Variants in TNKS1BP1 observed in about 807,000 individuals in gnomAD.
TNKS1BP1 encodes the protein CCR4-NOT transcription complex subunit 12, also known as 182 kDa tankyrase-1-binding protein.
In TNKS1BP1, 48 loss-of-function variants were observed where a neutral mutation model predicts 141.1. The observed-to-expected ratio is 0.34, with a 90% CI of 0.27 to 0.43. TNKS1BP1 has a LOEUF of 0.43. Ranked by LOEUF, TNKS1BP1 falls within the 20% of genes least tolerant of loss-of-function variation. The probability of loss-of-function intolerance (pLI) is 1.00; values close to 1 mark genes in which losing one functional copy is unlikely to be tolerated. For synonymous variants in TNKS1BP1, 875 were observed against 898.2 expected (o/e 0.97, Z 0.46); for missense variants, 2,149 against 2,226.0 (o/e 0.97, Z 0.70).
Position 57,313,814 on chromosome 11 carries a change from C to G in TNKS1BP1, c.874G>C (p.Ala292Pro). The part of the protein sequence containing the change: ...NGGPASPGLP[A>P]EASGSGPGSP... ...CCAGGGCCTGAGCCTGAGGCTTCTGCGGGGAGGCCTGGGCTGGCAGGGCCT... is the reference window on the plus strand; with the variant it reads ...CCAGGGCCTGAGCCTGAGGCTTCTGGGGGGAGGCCTGGGCTGGCAGGGCCT... The change falls in exon 5 of 12, where the codon GCA becomes CCA. Residue 292 changes from alanine to proline, a missense_variant. Ala to Pro is a conservative substitution (Grantham distance 27, BLOSUM62 -1). Coordinates refer to ENST00000358252, the MANE Select transcript of TNKS1BP1 (RefSeq NM_033396.3). 6.4e-7 allele frequency: 1 copy of G among 1,560,118 alleles called. No individual in the cohort carries two copies. Among genetic ancestry groups the G allele is most frequent in the Non-Finnish European group, 8.6e-7 (1 of 1,156,282 alleles).
chr11:57,313,011 C>T lies in TNKS1BP1; in HGVS notation c.1677G>A (p.Glu559=), dbSNP rs777542865. The T allele has an allele frequency of 1.2e-6, 2 of 1,613,946 alleles. No homozygotes were observed. Among genetic ancestry groups the T allele is most frequent in the Non-Finnish European group, 1.7e-6 (2 of 1,180,022 alleles). ...SMSLTQKGDG[E]SQPQFPAVPL... ...GAACAGCTGGGAATTGAGGTTGACT[C>T]TCCCCATCGCCCTTCTGGGTGAGGG... The change falls in exon 5 of 12, where the codon GAG becomes GAA. Residue 559 remains glutamate (E), a synonymous_variant. Transcript: ENST00000358252.
chr11:57,324,172 C>G (rs1343849585), intron 1 of TNKS1BP1, among the ~76,000 whole-genome samples: 2 of 152,216 alleles, frequency 1.3e-5, no homozygotes, highest in African/African-American at 4.8e-5. Context: ...GGGGTCGCCC[C>G]TATGGACCCC....
chr11:57,313,933 C>G (rs768797894), intron 4 of TNKS1BP1, 44 bp from the exon 5 acceptor site: 9 of 1,441,932 alleles, frequency 6.2e-6, no homozygotes, highest in Non-Finnish European at 8.2e-6. Context: ...CACCTCTCAG[C>G]GGGGCGGGGA....
chr11:57,322,341 G>C, intron 1 of TNKS1BP1: 4 of 986,726 alleles, frequency 4.1e-6, no homozygotes, highest in Non-Finnish European at 4.8e-6. Flanking sequence ...ATCACCTCAC[G>C]GGAGACGGGA....
rs1326065042 is a variant in TNKS1BP1 at position 57,301,854 on chromosome 11, C to T, written c.4924G>A (p.Gly1642Arg). ...CCAGGAAAGAGGTTGACTTTCAGCC[C>T]CTTGGTGCCCAACGACATCCGTGTC... is the stretch of plus-strand genomic sequence containing the variant. ...RRTRMSLGTK[G>R]LKVNLFPGLS... The change falls in exon 9 of 12, where the codon GGG becomes AGG. Residue 1642 changes from glycine to arginine, a missense_variant. Coordinates refer to ENST00000358252, the MANE Select transcript of TNKS1BP1 (RefSeq NM_033396.3). 2 of 1,614,148 alleles carry T rather than the reference C, an allele frequency of 1.2e-6. No homozygotes were observed. Among genetic ancestry groups the T allele is most frequent in the Non-Finnish European group, 1.7e-6 (2 of 1,180,016 alleles).
rs1381910585 is a variant in TNKS1BP1, at chr11:57,313,495, A to C, written c.1193T>G (p.Leu398Arg). 4 of 1,577,536 alleles carry C rather than the reference A, an allele frequency of 2.5e-6. No homozygotes were observed. The Admixed American group carries it at 7.1e-5, about 28-fold the overall frequency. ...PRPLIEVGELLDLTRTFPSGG... is the reference protein window; with the variant it reads ...PRPLIEVGELRDLTRTFPSGG... ...AGATGGAAACGTCCGAGTGAGATCC[A>C]GCAACTCACCCACCTCGATCAGGGG... Residue 398 changes from leucine to arginine, a missense_variant, in exon 5 of 12, where the codon CTG (leucine) becomes CGG (arginine). By Grantham distance (102) the Leu-to-Arg change is moderately radical (BLOSUM62 -2). Transcript: ENST00000358252.
In TNKS1BP1 at chr11:57,309,377, C is replaced by G; in HGVS notation, c.3334G>C (p.Asp1112His). 1.2e-6 allele frequency: 2 copies of G among 1,614,210 alleles called. No individual in the cohort carries two copies. Among genetic ancestry groups the G allele is most frequent in the Non-Finnish European group, 1.7e-6 (2 of 1,180,032 alleles). Residue 1112 changes from aspartate to histidine, a missense_variant, in exon 6 of 12, where the codon GAC becomes CAC. By Grantham distance (81) the Asp-to-His change is moderately conservative. Transcript: ENST00000358252. The surrounding 1 kb of genome is among the most constrained non-coding windows in gnomAD (Gnocchi z 4.3). ...CTCTCACTGGCCTCGATGCAGAAGT[C>G]CCGGCTCCAGTCCTGCTGCCCTGGG... ...FSPGQQDWSR[D>H]FCIEASERSY...
At chr11:57,323,737 G>A (rs907227129) in intron 1 of TNKS1BP1, among the ~76,000 whole-genome samples, 3 of 152,132 alleles carry the variant, frequency 2.0e-5, no homozygotes, top group Non-Finnish European at 4.4e-5. Flanking sequence ...TGGGGGGAGG[G>A]GCACATGATA....
chr11:57,314,389 C>A (rs1171854147), intron 4 of TNKS1BP1, among the ~76,000 whole-genome samples: 1 of 152,192 alleles, frequency 6.6e-6, no homozygotes, highest in Non-Finnish European at 1.5e-5. Context: ...GCAGGGGGTG[C>A]CCCTCATGGC....
At chr11:57,320,006 C>A in intron 3 of TNKS1BP1, 73 bp downstream of exon 3, 1 of 1,545,386 alleles carries the variant, frequency 6.5e-7, no homozygotes, top group Non-Finnish European at 8.8e-7. Flanking sequence ...TGCACTTGGT[C>A]CCCAGCCCCC....
chr11:57,309,878 C>T lies in TNKS1BP1; in HGVS notation c.2833G>A (p.Ala945Thr), dbSNP rs756248053. 6.2e-7 allele frequency: 1 copy of T among 1,614,142 alleles called. No individual in the cohort carries two copies. ...VSLGTYGSRA[A>T]EPQEQEFGKS... Reference sequence around the variant, plus strand: ...CCAAACTCCTGTTCCTGTGGCTCCGCAGCCCGGCTGCCATAGGTGCCGAGT... The same window carrying T: ...CCAAACTCCTGTTCCTGTGGCTCCGTAGCCCGGCTGCCATAGGTGCCGAGT... The change falls in exon 6 of 12, where the codon GCG becomes ACG. Residue 945 changes from alanine (A) to threonine (T), a missense_variant. Transcript: ENST00000358252. The surrounding 1 kb of genome is among the most constrained non-coding windows in gnomAD (Gnocchi z 4.3).
chr11:57,322,083 G>GC, intron 1 of TNKS1BP1, 133 bp from the exon 2 acceptor site: 9 of 589,138 alleles, frequency 1.5e-5, no homozygotes, highest in Non-Finnish European at 2.3e-5. Flanking sequence ...GGGGGGGGGG[G>GC]GTAGGAGGAG....
rs4939137 is a variant in TNKS1BP1 at position 57,319,301 on chromosome 11, G to A, written c.728+778C>T. 3.3e-5 allele frequency among the ~76,000 whole-genome samples: 5 copies of A among 152,228 alleles called. No homozygotes were observed. In the East Asian group the frequency reaches 7.7e-4, roughly 24 times the overall value. Reference sequence around the variant, plus strand: ...CCACTGTAAGAGCTGGCACTTAAGAGCAGAGGATTTGGAATCAAACAAACA... The same window carrying A: ...CCACTGTAAGAGCTGGCACTTAAGAACAGAGGATTTGGAATCAAACAAACA... On this transcript the variant is annotated intron_variant, in intron 3 of 11. Transcript: ENST00000358252.
chr11:57,307,168 G>A (rs1354217248), intron 6 of TNKS1BP1, among the ~76,000 whole-genome samples: 11 of 152,052 alleles, frequency 7.2e-5, no homozygotes, highest in Admixed American at 5.2e-4. Context: ...GAACAACCAC[G>A]CCAAGCCTGG....
At chr11:57,300,403 A>T in intron 11 of TNKS1BP1, 125 bp downstream of exon 11, 3 of 848,148 alleles carry the variant, frequency 3.5e-6, no homozygotes, top group Non-Finnish European at 5.6e-6. Flanking sequence ...GCTTGGCTTC[A>T]CCTGCTGTTT....
In TNKS1BP1 at chr11:57,308,615, C is replaced by T; in HGVS notation, c.4096G>A (p.Gly1366Arg). ...FGAPSEAREH[G>R]VGGVSQCPEP... ...GGGCACTGGCTCACCCCGCCCACCCCATGCTCCCTGGCTTCACTTGGAGCC... is the reference window on the plus strand; with the variant it reads ...GGGCACTGGCTCACCCCGCCCACCCTATGCTCCCTGGCTTCACTTGGAGCC... The change falls in exon 6 of 12, where the codon GGG becomes AGG. Residue 1366 changes from glycine to arginine, a missense_variant. Coordinates refer to ENST00000358252, the MANE Select transcript of TNKS1BP1 (RefSeq NM_033396.3). 6.2e-7 allele frequency: 1 copy of T among 1,613,962 alleles called. No individual in the cohort carries two copies. The highest frequency in any genetic ancestry group is 1.3e-5 in the African/African-American group (1 of 75,034).
At chr11:57,319,237 C>G (rs567546017) in intron 3 of TNKS1BP1, among the ~76,000 whole-genome samples, 64 of 152,056 alleles carry the variant, frequency 4.2e-4, no homozygotes, top group African/African-American at 1.5e-3. Context: ...CTCATCCTGA[C>G]ACACGCAGCC....
chr11:57,301,324 C>T (rs930054318), intron 9 of TNKS1BP1, among the ~76,000 whole-genome samples: 1 of 152,134 alleles, frequency 6.6e-6, no homozygotes. Context: ...GTTCCCTCTG[C>T]CTGCAATGCC....
intron 3 of TNKS1BP1, 26 bp downstream of exon 3, chr11:57,320,052 CA>C: frequency 6.2e-7 from 1 of 1,600,590 alleles, no homozygotes; most frequent in Non-Finnish European, 8.5e-7. Flanking sequence ...CAGGCTGCCA[CA>C]AAATATACAA....
Sources: allele counts gnomAD v4.1 joint callset (sites outside exome capture counted in the v4.1 genomes callset), GRCh38; gene constraint gnomAD v4.1.1; non-coding constraint Gnocchi (gnomAD v3.1); transcripts MANE v1.5; gene names NCBI Gene and HGNC (gene_info 2026-07-23, HGNC 2026-07-21).